The following RASGEF1A variants were observed in gnomAD, a reference collection of about 807,000 sequenced individuals.
The protein encoded by RASGEF1A is ras-GEF domain-containing family member 1A.
A neutral mutation model predicts 56.4 loss-of-function variants in RASGEF1A; 18 were observed. That is an observed-to-expected ratio of 0.32 (90% confidence interval 0.22 to 0.47). The LOEUF (loss-of-function observed/expected upper bound fraction) is 0.47, where lower values mean the gene tolerates loss of function less well. Among genes scored for constraint, RASGEF1A ranks in the 20% least tolerant of loss-of-function variants. The pLI is 1.00. For synonymous variants in RASGEF1A, 245 were observed against 242.6 expected (o/e 1.01, Z -0.09); for missense variants, 422 against 627.1 (o/e 0.67, Z 3.49).
In RASGEF1A at chr10:43,196,542, A is replaced by G; in HGVS notation, c.1355T>C (p.Phe452Ser). The change falls in exon 12 of 13, where the codon TTC becomes TCC. Residue 452 changes from phenylalanine (F) to serine (S), a missense_variant. By Grantham distance (155) the Phe-to-Ser change is radical. Around this residue, in one of 2 missense-constraint regions of RASGEF1A, gnomAD observed 149 missense variants for 287.2 expected, o/e 0.52. Transcript: ENST00000395810. The surrounding 1 kb of genome is among the most constrained non-coding windows in gnomAD (Gnocchi z 4.6). ...TAPIYSEEAL[F>S]VASFESEGPE... ...ACCCTCACTTTCAAAGGAGGCGACG[A>G]AGAGAGCTGAGAGATGGGAAAGTCC... 6.2e-7 allele frequency: 1 copy of G among 1,613,622 alleles called. No individual in the cohort carries two copies. The highest frequency in any genetic ancestry group is 1.3e-5 in the African/African-American group (1 of 75,028).
At chr10:43,238,309 C>A (rs1466913171) in intron 1 of RASGEF1A, among the ~76,000 whole-genome samples, 1 of 152,180 alleles carries the variant, frequency 6.6e-6, no homozygotes, top group East Asian at 1.9e-4. Flanking sequence ...TGAGACCTGT[C>A]TTCAGGAGGG....
At chr10:43,247,107 C>A (rs1840574430) in intron 1 of RASGEF1A, among the ~76,000 whole-genome samples, 2 of 152,160 alleles carry the variant, frequency 1.3e-5, no homozygotes, top group South Asian at 4.1e-4. Flanking sequence ...CGGGCAAAGG[C>A]CCTCATGGAC....
At chr10:43,227,827 C>T (rs556868763) in intron 1 of RASGEF1A, among the ~76,000 whole-genome samples, 16 of 152,260 alleles carry the variant, frequency 1.1e-4, no homozygotes, top group South Asian at 2.1e-4. Flanking sequence ...CTCCTTCCTG[C>T]GCCAGCCTGA....
chr10:43,221,366 C>T (rs1840204967), intron 1 of RASGEF1A, among the ~76,000 whole-genome samples: 1 of 152,188 alleles, frequency 6.6e-6, no homozygotes, highest in South Asian at 2.1e-4. Flanking sequence ...CAGGCTGATT[C>T]GAACCTAAGC....
chr10:43,198,826 C>G, intron 9 of RASGEF1A, 107 bp downstream of exon 9: 1 of 1,012,080 alleles, frequency 9.9e-7, no homozygotes, highest in Non-Finnish European at 1.5e-6. Context: ...GGTGCTAGCC[C>G]CAGGGAGAGG....
intron 1 of RASGEF1A, among the ~76,000 whole-genome samples, chr10:43,216,970 C>T (rs537425039): frequency 6.6e-6 from 1 of 152,274 alleles, no homozygotes; most frequent in African/African-American, 2.4e-5. Flanking sequence ...CACACCCTTC[C>T]CCATCTTCTG....
At chr10:43,238,185 A>T (rs762021923) in intron 1 of RASGEF1A, among the ~76,000 whole-genome samples, 3 of 150,204 alleles carry the variant, frequency 2.0e-5, no homozygotes, top group African/African-American at 4.9e-5. Context: ...AGGGTTAGCC[A>T]TGTCGACTTA....
intron 2 of RASGEF1A, among the ~76,000 whole-genome samples, chr10:43,204,649 G>C (rs975901331): frequency 2.6e-5 from 4 of 152,162 alleles, no homozygotes; most frequent in Admixed American, 6.5e-5. Flanking sequence ...TTCAGCTACC[G>C]GTGCACATGG....
rs1054164480 is a variant in RASGEF1A at position 43,233,623 on chromosome 10, C to T, written c.-6-27501G>A. Among the ~76,000 whole-genome samples, 11 of 152,292 alleles carry T rather than the reference C, an allele frequency of 7.2e-5. No individual in the cohort carries two copies. The East Asian group carries it at 1.9e-3, about 27-fold the overall frequency. ...TACCATCAAAAGGCAGAAAATGCCA[C>T]GTGCTGACGAGATAGCACAACCCAA... On this transcript the variant is annotated intron_variant, in intron 1 of 12. Coordinates refer to ENST00000395810, the MANE Select transcript of RASGEF1A (RefSeq NM_145313.4).
intron 1 of RASGEF1A, among the ~76,000 whole-genome samples, chr10:43,236,925 CT>C (rs373895619): frequency 1.3e-5 from 2 of 152,008 alleles, no homozygotes; most frequent in African/African-American, 2.4e-5. Flanking sequence ...CCAGCCTGGC[CT>C]TGTGGGAGGG....
At chr10:43,210,889 T>C (rs113379029) in intron 1 of RASGEF1A, among the ~76,000 whole-genome samples, 210 of 108,078 alleles carry the variant, frequency 1.9e-3, no homozygotes, top group African/African-American at 6.3e-3. Context: ...TTGCACCCAG[T>C]AGCCCCTCTG....
intron 1 of RASGEF1A, among the ~76,000 whole-genome samples, chr10:43,244,957 A>AC (rs1374335432): frequency 1.3e-5 from 2 of 152,272 alleles, no homozygotes; most frequent in South Asian, 2.1e-4. Flanking sequence ...AGAAGAAAAT[A>AC]CTAGAGTGAA....
intron 1 of RASGEF1A, among the ~76,000 whole-genome samples, chr10:43,211,688 A>G (rs1840071055): frequency 6.6e-6 from 1 of 152,064 alleles, no homozygotes; most frequent in African/African-American, 2.4e-5. Flanking sequence ...CCATCCTGAG[A>G]GGCCCCCCAC....
At chr10:43,265,671 G>A (rs1356950334) in intron 1 of RASGEF1A, among the ~76,000 whole-genome samples, 1 of 152,256 alleles carries the variant, frequency 6.6e-6, no homozygotes, top group Non-Finnish European at 1.5e-5. Flanking sequence ...TCAGTCTACA[G>A]ATGGGGAAAC....
intron 1 of RASGEF1A, among the ~76,000 whole-genome samples, chr10:43,244,579 G>C (rs1840549613): frequency 6.6e-6 from 1 of 150,564 alleles, no homozygotes; most frequent in African/African-American, 2.4e-5. Flanking sequence ...AAATTTAAAA[G>C]GACTGAAATT....
chr10:43,204,010 C>T (rs1358073642), intron 2 of RASGEF1A, among the ~76,000 whole-genome samples: 1 of 152,164 alleles, frequency 6.6e-6, no homozygotes. Flanking sequence ...CAGCTCTGGG[C>T]CTAGACCCTG....
intron 1 of RASGEF1A, chr10:43,208,456 A>G (rs1840025931): frequency 1.0e-6 from 1 of 985,530 alleles, no homozygotes; most frequent in Non-Finnish European, 1.2e-6. Context: ...CCCACTGGTC[A>G]GCAGCCAGAG....
At chr10:43,253,453 T>C (rs1840649513) in intron 1 of RASGEF1A, among the ~76,000 whole-genome samples, 1 of 152,206 alleles carries the variant, frequency 6.6e-6, no homozygotes, top group African/African-American at 2.4e-5. Context: ...AGGCAGAGGC[T>C]CTTAAGGCTG....
rs1161879466 is a variant in RASGEF1A, at chr10:43,229,787, G to A, written c.-6-23665C>T. The stretch of plus-strand genomic sequence containing the variant: ...GCTGGACGCCTCCGCTGGAGGGGTG[G>A]GACCCCGGAAGCAGGGAACCGAGGG... On this transcript the variant is annotated intron_variant, in intron 1 of 12. Transcript: ENST00000395810. 4.8e-6 allele frequency: 6 copies of A among 1,258,238 alleles called. No individual in the cohort carries two copies. In the African/African-American group the frequency reaches 7.9e-5, roughly 17 times the overall value. The allele number at this position is 1,258,238 out of a possible 1,614,324, so 77.9% of individuals were successfully genotyped here.
Sources: gnomAD v4.1 joint callset for allele counts (sites outside exome capture counted in the v4.1 genomes callset) on GRCh38, gnomAD v4.1.1 for gene constraint, gnomAD v4.1.1 regional missense constraint, Gnocchi (gnomAD v3.1) non-coding constraint, MANE v1.5 for transcripts, NCBI Gene and HGNC (gene_info 2026-07-23, HGNC 2026-07-21) for gene names.